The following PRRC2B variants were observed in gnomAD, a reference collection of about 807,000 sequenced individuals.
PRRC2B encodes the protein proline rich coiled-coil 2B.
A neutral mutation model predicts 242.3 loss-of-function variants in PRRC2B; 68 were observed. The observed-to-expected ratio is 0.28, with a 90% CI of 0.23 to 0.34. The LOEUF (loss-of-function observed/expected upper bound fraction) is 0.34. Among genes scored for constraint, PRRC2B ranks in the 10% least tolerant of loss-of-function variants. PRRC2B has a pLI of 1.00. For missense variants in PRRC2B, 2,835 were observed against 2,954.8 expected, an observed-to-expected ratio of 0.96 and a Z score of 0.94; for synonymous variants, 1,228 against 1,173.6, an observed-to-expected ratio of 1.05 and a Z score of -0.95.
At chr9:131,398,485 A>G (rs1837130602) in intron 1 of PRRC2B, among the ~76,000 whole-genome samples, 1 of 152,076 alleles carries the variant, frequency 6.6e-6, no homozygotes, top group East Asian at 1.9e-4. Context: ...CTTGTACAGG[A>G]CTTCCTTCCG....
At position 131,482,789 on chromosome 9, in the gene PRRC2B, A is replaced by T; in HGVS notation, c.5255A>T (p.Lys1752Met). ...IGNERSLKNR[K>M]GSEGAERLQG... ...AACGAGCGTTCTCTGAAAAACAGAAAGGGCTCGGAGGGGGCCGAGCGGCTG... is the reference window on the plus strand; with the variant it reads ...AACGAGCGTTCTCTGAAAAACAGAATGGGCTCGGAGGGGGCCGAGCGGCTG... Residue 1752 changes from lysine to methionine, a missense_variant, in exon 22 of 32, where the codon AAG (lysine) becomes ATG (methionine). Physicochemically the swap from Lys to Met is moderately conservative, Grantham distance 95. This residue lies in a region of PRRC2B where 574 missense variants were observed against 626.0 expected (regional missense o/e 0.92). Transcript: ENST00000683519. The surrounding 1 kb of genome is among the most constrained non-coding windows in gnomAD (Gnocchi z 5.2). The T allele has an allele frequency of 6.2e-7, 1 of 1,610,996 alleles. No individual in the cohort carries two copies. Among genetic ancestry groups the T allele is most frequent in the Non-Finnish European group, 8.5e-7 (1 of 1,178,518 alleles).
rs538438828 is a variant in PRRC2B at position 131,384,121 on chromosome 9, G to C, written c.-56+10390G>C. On this transcript the variant is annotated intron_variant, in intron 1 of 1. Transcript: ENST00000682525. ...TTTTTTTTTTTGGAGACAGAGTATT[G>C]CTCTGTTGCCCAGGCTGGAGTGCAG... 2.3e-3 allele frequency among the ~76,000 whole-genome samples: 265 copies of C among 115,264 alleles called. 1 individual carries two copies. Among genetic ancestry groups the C allele is most frequent in the African/African-American group, 8.3e-3 (247 of 29,608 alleles). The allele number at this position is 115,264 out of a possible 152,430, so 75.6% of individuals were successfully genotyped here. A position where few individuals can be genotyped will look rare whatever the true frequency, so the allele number is the denominator to read the frequency against.
intron 1 of PRRC2B, among the ~76,000 whole-genome samples, chr9:131,411,058 C>T (rs1359615345): frequency 3.9e-5 from 6 of 152,112 alleles, no homozygotes; most frequent in East Asian, 3.9e-4. Flanking sequence ...GAGTTGGAGA[C>T]CAGCCTGGCC....
At chr9:131,486,046 T>C (rs1944014409) in intron 25 of PRRC2B, 39 bp from the exon 26 acceptor site, 2 of 1,354,168 alleles carry the variant, frequency 1.5e-6, no homozygotes, top group Admixed American at 3.7e-5. Context: ...TAGTGAGGCT[T>C]GATCCTCTTC....
chr9:131,447,170 T>A lies in PRRC2B; in HGVS notation c.941T>A (p.Val314Asp). The A allele has an allele frequency of 6.2e-7, 1 of 1,613,700 alleles. No individual in the cohort carries two copies. The highest frequency in any genetic ancestry group is 8.5e-7 in the Non-Finnish European group (1 of 1,179,762). The stretch of plus-strand genomic sequence containing the variant: ...CCTCAGCTCCGCCTTGAACCTCGAG[T>A]TCCTTTTAGACAGTTCCAGATGAAT... ...PLPQLRLEPR[V>D]PFRQFQMNDQ... Residue 314 changes from valine to aspartate, a missense_variant, in exon 8 of 32, where the codon GTT (valine) becomes GAT (aspartate). Physicochemically the swap from Val to Asp is radical, Grantham distance 152 (BLOSUM62 -3). Coordinates refer to ENST00000683519, the MANE Select transcript of PRRC2B (RefSeq NM_013318.4).
chr9:131,439,130 G>T, intron 5 of PRRC2B, 69 bp downstream of exon 5: 1 of 1,353,632 alleles, frequency 7.4e-7, no homozygotes, highest in South Asian at 1.2e-5. Context: ...TTTCCAGAAT[G>T]TCTGGTTGGG....
In PRRC2B at chr9:131,492,268, C is replaced by T. The variant is rs1944217543; in HGVS notation, c.6473+8C>T. ...ATCGCCACAGACCTACAGGTAAAGC[C>T]ACTCCCTGGGGACTGCGTGCTGTGT... On this transcript the variant is annotated splice_region_variant and intron_variant, in intron 30 of 31. Coordinates refer to ENST00000683519, the MANE Select transcript of PRRC2B (RefSeq NM_013318.4). 6.2e-7 allele frequency: 1 copy of T among 1,610,060 alleles called. No individual in the cohort carries two copies. The highest frequency in any genetic ancestry group is 1.1e-5 in the South Asian group (1 of 91,020).
chr9:131,446,573 A>C lies in PRRC2B; in HGVS notation c.786A>C (p.Arg262=), dbSNP rs1588255889. The change falls in exon 7 of 32, where the codon CGA becomes CGC. Residue 262 remains arginine (R), a synonymous_variant. Transcript: ENST00000683519. This position sits in a 1 kb window ranked among gnomAD's most constrained non-coding sequence, Gnocchi z 4.1. Reference sequence around the variant, plus strand: ...CTCTCCGCCCGGCTCAGCCTGTCCGAAAAGGGGCTTCACAGTTCATGGGAA... The same window carrying C: ...CTCTCCGCCCGGCTCAGCCTGTCCGCAAAGGGGCTTCACAGTTCATGGGAA... ...DPSLRPAQPV[R]KGASQFMGNV... The C allele has an allele frequency of 6.2e-7, 1 of 1,613,818 alleles. No homozygotes were observed. The highest frequency in any genetic ancestry group is 8.5e-7 in the Non-Finnish European group (1 of 1,179,874).
chr9:131,430,080 T>A lies in PRRC2B; in HGVS notation c.-51-14T>A. 1.4e-6 allele frequency: 1 copy of A among 737,044 alleles called. No homozygotes were observed. Among genetic ancestry groups the A allele is most frequent in the Non-Finnish European group, 2.3e-6 (1 of 438,792 alleles). The allele number at this position is 737,044 out of a possible 1,614,324, so 45.7% of individuals were successfully genotyped here. On this transcript the variant is annotated splice_polypyrimidine_tract_variant and intron_variant, in intron 1 of 31. Transcript: ENST00000683519. ...TCTCTCTTTTTTTTTTTTTCTTCTC[T>A]ATTTCAAAGGCAGATCGGGAGCGGT... is the stretch of plus-strand genomic sequence containing the variant.
Position 131,482,944 on chromosome 9 carries a change from A to T in PRRC2B, c.5373+37A>T, listed in dbSNP as rs771356155. Reference sequence around the variant, plus strand: ...ATTTGTTTTCTTGCTTGCTTTTTTTACTTTTTATTTTGGTACTTGGAGAGG... The same window carrying T: ...ATTTGTTTTCTTGCTTGCTTTTTTTTCTTTTTATTTTGGTACTTGGAGAGG... On this transcript the variant is annotated intron_variant, in intron 22 of 31. Coordinates refer to ENST00000683519, the MANE Select transcript of PRRC2B (RefSeq NM_013318.4). The surrounding 1 kb of genome is among the most constrained non-coding windows in gnomAD (Gnocchi z 5.2). 1.9e-6 allele frequency: 3 copies of T among 1,566,190 alleles called. No homozygotes were observed. The highest frequency in any genetic ancestry group is 1.7e-6 in the Non-Finnish European group (2 of 1,155,084).
intron 1 of PRRC2B, among the ~76,000 whole-genome samples, chr9:131,384,224 G>A (rs147859041): frequency 0.019 from 2,869 of 151,834 alleles, 80 homozygotes; most frequent in African/African-American, 0.06. Flanking sequence ...CTCCTGAGTA[G>A]CTGGGATTAC....
At chr9:131,457,368 A>T (rs555845170) in intron 10 of PRRC2B, among the ~76,000 whole-genome samples, 17 of 152,306 alleles carry the variant, frequency 1.1e-4, no homozygotes, top group African/African-American at 3.8e-4. Context: ...CTTTGAGGCG[A>T]TGGGAACTGC....
intron 8 of PRRC2B, 109 bp downstream of exon 8, chr9:131,447,315 G>T (rs1838835119): frequency 2.2e-6 from 3 of 1,382,604 alleles, no homozygotes; most frequent in Non-Finnish European, 3.0e-6. Context: ...AGACCACAGA[G>T]AACTTAACCA....
At chr9:131,382,981 G>C (rs1836780319) in intron 1 of PRRC2B, among the ~76,000 whole-genome samples, 2 of 152,144 alleles carry the variant, frequency 1.3e-5, no homozygotes, top group Admixed American at 6.6e-5. Context: ...CCTCCCCTCA[G>C]GTGGGGCCAC....
intron 5 of PRRC2B, 58 bp downstream of exon 5, chr9:131,439,119 T>C: frequency 6.9e-7 from 1 of 1,443,402 alleles, no homozygotes; most frequent in Non-Finnish European, 9.7e-7. Flanking sequence ...GGTGAATGCC[T>C]TTTCCAGAAT....
rs1478703489 is a variant in PRRC2B at position 131,498,154 on chromosome 9, C to T, written c.*2280C>T. The T allele has an allele frequency of 6.6e-6, 1 of 152,194 alleles. No homozygotes were observed. Among genetic ancestry groups the T allele is most frequent in the African/African-American group, 2.4e-5 (1 of 41,442 alleles). The allele number at this position is 152,194 out of a possible 1,614,324, so 9.4% of individuals were successfully genotyped here. A position where few individuals can be genotyped will look rare whatever the true frequency, so the allele number is the denominator to read the frequency against. The stretch of plus-strand genomic sequence containing the variant: ...GAAAAAATAAAAACAAAAAGGTCAC[C>T]TGTTCTCCAGCCCTTTTCTCTTACC... On this transcript the variant is annotated 3_prime_UTR_variant, in exon 32 of 32. Coordinates refer to ENST00000683519, the MANE Select transcript of PRRC2B (RefSeq NM_013318.4).
intron 10 of PRRC2B, 135 bp downstream of exon 10, chr9:131,455,301 C>T: frequency 3.0e-6 from 2 of 657,880 alleles, no homozygotes; most frequent in South Asian, 3.8e-5. Context: ...TTGAGGGTGA[C>T]AGCTATTGAT....
intron 1 of PRRC2B, among the ~76,000 whole-genome samples, chr9:131,411,315 TTTTG>T (rs1037523316): frequency 3.4e-5 from 5 of 148,698 alleles, no homozygotes; most frequent in Middle Eastern, 3.2e-3. Context: ...ATTTTCTTTT[TTTTG>T]TTTGTTTTTT....
chr9:131,386,405 CT>C (rs1836826322), intron 1 of PRRC2B, among the ~76,000 whole-genome samples: 1 of 150,434 alleles, frequency 6.6e-6, no homozygotes, highest in Admixed American at 6.9e-5. Flanking sequence ...GTGTGAGCCA[CT>C]GCGCCTGGCC....
Sources: gnomAD v4.1 joint callset for allele counts (sites outside exome capture counted in the v4.1 genomes callset) on GRCh38, gnomAD v4.1.1 for gene constraint, gnomAD v4.1.1 regional missense constraint, Gnocchi (gnomAD v3.1) non-coding constraint, MANE v1.5 for transcripts, NCBI Gene and HGNC (gene_info 2026-07-23, HGNC 2026-07-21) for gene names.